Variants in SPSB1 observed in about 807,000 individuals in gnomAD.
The protein encoded by SPSB1 is SPRY domain-containing SOCS box protein 1.
In SPSB1, 8 loss-of-function variants were observed where a neutral mutation model predicts 21.2. That is an observed-to-expected ratio of 0.38 (90% CI 0.22 to 0.68). The LOEUF (loss-of-function observed/expected upper bound fraction) is 0.68, where lower values mean the gene tolerates loss of function less well. SPSB1 is among the 30% of genes least tolerant of loss of function. The pLI, the probability that SPSB1 is intolerant of heterozygous loss-of-function variation, is 0.53. For missense variants in SPSB1, 242 were observed against 377.8 expected (o/e 0.64, Z 2.98); for synonymous variants, 169 against 161.7 (o/e 1.05, Z -0.34).
intron 1 of SPSB1, among the ~76,000 whole-genome samples, chr1:9,302,820 C>T (rs1203208306): frequency 6.6e-6 from 1 of 152,140 alleles, no homozygotes; most frequent in Non-Finnish European, 1.5e-5. Flanking sequence ...GCTGGTTTCT[C>T]CCGTAGCCAG....
rs973414494 is a variant in SPSB1, at chr1:9,348,196, C to T, written c.-149-7547C>T. On this transcript the variant is annotated intron_variant, in intron 1 of 2. Transcript: ENST00000328089. This position sits in a 1 kb window ranked among gnomAD's most constrained non-coding sequence, Gnocchi z 4.8. Reference sequence around the variant, plus strand: ...CTGACCTCAGGTGATCTGCCCACCTCGGCCTCTCAAAGTGCTGGGATTACA... The same window carrying T: ...CTGACCTCAGGTGATCTGCCCACCTTGGCCTCTCAAAGTGCTGGGATTACA... Among the ~76,000 whole-genome samples, 9 of 152,080 alleles carry T rather than the reference C, an allele frequency of 5.9e-5. No individual in the cohort carries two copies. Among genetic ancestry groups the T allele is most frequent in the Non-Finnish European group, 8.8e-5 (6 of 68,000 alleles).
intron 1 of SPSB1, among the ~76,000 whole-genome samples, chr1:9,333,464 G>T (rs1639955610): frequency 6.6e-6 from 1 of 151,972 alleles, no homozygotes; most frequent in Non-Finnish European, 1.5e-5. Context: ...CCAAGTAGGT[G>T]GGACTACAGG....
intron 1 of SPSB1, among the ~76,000 whole-genome samples, chr1:9,323,815 CT>C (rs1639766121): frequency 6.6e-6 from 1 of 152,212 alleles, no homozygotes; most frequent in African/African-American, 2.4e-5. Flanking sequence ...GAATACATTT[CT>C]TCTGCTGTTG....
At chr1:9,365,397 A>G (rs1186873869) in intron 2 of SPSB1, among the ~76,000 whole-genome samples, 1 of 152,156 alleles carries the variant, frequency 6.6e-6, no homozygotes, top group Admixed American at 6.5e-5. Flanking sequence ...GATTACAGGT[A>G]TGAGCCACTG....
chr1:9,363,278 C>T lies in SPSB1; in HGVS notation c.695-4170C>T, dbSNP rs1322027814. Among the ~76,000 whole-genome samples the T allele has an allele frequency of 6.6e-6, 1 of 152,184 alleles. No individual in the cohort carries two copies. The highest frequency in any genetic ancestry group is 2.4e-5 in the African/African-American group (1 of 41,436). ...AGGACCCAGAGAAGAGACCCATTCACAGGATGCCTGGGTGACTCTGGTCCT... is the reference window on the plus strand; with the variant it reads ...AGGACCCAGAGAAGAGACCCATTCATAGGATGCCTGGGTGACTCTGGTCCT... On this transcript the variant is annotated intron_variant, in intron 2 of 2. Coordinates refer to ENST00000328089, the MANE Select transcript of SPSB1 (RefSeq NM_025106.4). This position sits in a 1 kb window ranked among gnomAD's most constrained non-coding sequence, Gnocchi z 4.5.
rs916820599 is a variant in SPSB1 at position 9,292,949 on chromosome 1, G to A, written c.-272G>A. 3 of 702,730 alleles carry A rather than the reference G, an allele frequency of 4.3e-6. No individual in the cohort carries two copies. The African/African-American group carries it at 2.2e-4, about 53-fold the overall frequency. 43.5% of individuals were successfully genotyped at this position (702,730 alleles called of 1,614,324 possible). ...GCTCGCAGCAGGAACCAGGCTCCAG[G>A]CGCCGGCGCCGGGGCCGGGGCCGCG... On this transcript the variant is annotated 5_prime_UTR_variant, in exon 1 of 3. Transcript: ENST00000328089.
intron 2 of SPSB1, among the ~76,000 whole-genome samples, chr1:9,360,090 G>C (rs1640445058): frequency 6.6e-6 from 1 of 152,132 alleles, no homozygotes. Context: ...GCGGTCAGTG[G>C]GGGAGTTGTC....
intron 1 of SPSB1, among the ~76,000 whole-genome samples, chr1:9,341,728 G>A (rs545802327): frequency 5.3e-5 from 8 of 152,194 alleles, no homozygotes; most frequent in East Asian, 3.9e-4. Flanking sequence ...TTGAGACGGG[G>A]TTTCACTCTT....
chr1:9,306,205 G>T (rs1639407695), intron 1 of SPSB1, among the ~76,000 whole-genome samples: 1 of 152,234 alleles, frequency 6.6e-6, no homozygotes, highest in Admixed American at 6.5e-5. Flanking sequence ...GCCATCAACT[G>T]CCTTCATCCT....
At chr1:9,353,562 C>T (rs1640306069) in intron 1 of SPSB1, among the ~76,000 whole-genome samples, 2 of 152,174 alleles carry the variant, frequency 1.3e-5, no homozygotes, top group Admixed American at 6.5e-5. Context: ...AATGGCTTTG[C>T]AGACACTGGA....
chr1:9,323,347 G>A (rs532672518), intron 1 of SPSB1, among the ~76,000 whole-genome samples: 33 of 152,340 alleles, frequency 2.2e-4, no homozygotes, highest in African/African-American at 7.9e-4. Flanking sequence ...CAGTGGATGT[G>A]CCCTCCATGG....
chr1:9,324,250 A>G lies in SPSB1; in HGVS notation c.-150+31179A>G, dbSNP rs1411383458. Among the ~76,000 whole-genome samples, 1 of 152,112 alleles carries G rather than the reference A, an allele frequency of 6.6e-6. No individual in the cohort carries two copies. Among genetic ancestry groups the G allele is most frequent in the Non-Finnish European group, 1.5e-5 (1 of 68,034 alleles). On this transcript the variant is annotated intron_variant, in intron 1 of 2. Coordinates refer to ENST00000328089, the MANE Select transcript of SPSB1 (RefSeq NM_025106.4). This position sits in a 1 kb window ranked among gnomAD's most constrained non-coding sequence, Gnocchi z 4.3. The stretch of plus-strand genomic sequence containing the variant: ...AGGTGGGAGGGACTTTGTCTTTACT[A>G]CCACGTGGAGCCGGCACATAGTGGG...
chr1:9,356,041 C>A lies in SPSB1; in HGVS notation c.150C>A (p.Val50=), dbSNP rs377405031. Residue 50 remains valine, a synonymous_variant, in exon 2 of 3, where the codon GTC becomes GTA. Transcript: ENST00000328089. The surrounding 1 kb of genome is among the most constrained non-coding windows in gnomAD (Gnocchi z 7.4). ...ACATGCCCCCTGTGTCCTATGATGT[C>A]CAGCTGCTGCATTCATGGAACAACA... ...LLDMPPVSYD[V]QLLHSWNNND... 1.2e-6 allele frequency: 2 copies of A among 1,614,014 alleles called. No homozygotes were observed. The highest frequency in any genetic ancestry group is 2.7e-5 in the African/African-American group (2 of 74,932).
At chr1:9,359,636 A>T (rs1380027730) in intron 2 of SPSB1, among the ~76,000 whole-genome samples, 2 of 146,002 alleles carry the variant, frequency 1.4e-5, no homozygotes, top group Admixed American at 7.1e-5. Context: ...CGGGAGGTGG[A>T]GGTTGCAGTG....
rs1189374342 is a variant in SPSB1 at position 9,293,619 on chromosome 1, C to T, written c.-150+548C>T. 6.6e-6 allele frequency among the ~76,000 whole-genome samples: 1 copy of T among 152,072 alleles called. No individual in the cohort carries two copies. The highest frequency in any genetic ancestry group is 1.5e-5 in the Non-Finnish European group (1 of 67,994). ...GGACACCCGAGCGCCGCCCTCCCCGCCGCCCCGGAGCCGCCGCGGCTTCTC... is the reference window on the plus strand; with the variant it reads ...GGACACCCGAGCGCCGCCCTCCCCGTCGCCCCGGAGCCGCCGCGGCTTCTC... On this transcript the variant is annotated intron_variant, in intron 1 of 2. Transcript: ENST00000328089. The surrounding 1 kb of genome is among the most constrained non-coding windows in gnomAD (Gnocchi z 5.1).
In SPSB1 at chr1:9,355,816, A is replaced by G; in HGVS notation, c.-76A>G. 2 of 1,505,056 alleles carry G rather than the reference A, an allele frequency of 1.3e-6. No homozygotes were observed. The highest frequency in any genetic ancestry group is 1.8e-6 in the Non-Finnish European group (2 of 1,127,458). The allele number at this position is 1,505,056 out of a possible 1,614,324, so 93.2% of individuals were successfully genotyped here. The stretch of plus-strand genomic sequence containing the variant: ...TTAGGAATTCTGTCTGGCCCCGATC[A>G]GAATACTGGAGACGAGACCACGAGA... On this transcript the variant is annotated 5_prime_UTR_variant, in exon 2 of 3. Coordinates refer to ENST00000328089, the MANE Select transcript of SPSB1 (RefSeq NM_025106.4).
chr1:9,324,285 T>C lies in SPSB1; in HGVS notation c.-150+31214T>C, dbSNP rs1006159576. Among the ~76,000 whole-genome samples, 1 of 152,128 alleles carries C rather than the reference T, an allele frequency of 6.6e-6. No individual in the cohort carries two copies. The highest frequency in any genetic ancestry group is 1.5e-5 in the Non-Finnish European group (1 of 68,018). ...GCCGGCACATAGTGGGACTCACAGCTCTTCATGGCATCGATGAATCGTGTC... is the reference window on the plus strand; with the variant it reads ...GCCGGCACATAGTGGGACTCACAGCCCTTCATGGCATCGATGAATCGTGTC... On this transcript the variant is annotated intron_variant, in intron 1 of 2. Transcript: ENST00000328089. This position sits in a 1 kb window ranked among gnomAD's most constrained non-coding sequence, Gnocchi z 4.3.
intron 1 of SPSB1, among the ~76,000 whole-genome samples, chr1:9,296,457 G>T (rs1247973688): frequency 6.6e-6 from 1 of 152,164 alleles, no homozygotes; most frequent in Non-Finnish European, 1.5e-5. Flanking sequence ...TTGTTATTAT[G>T]GAAAATGTCA....
At chr1:9,343,339 C>G (rs79829952) in intron 1 of SPSB1, among the ~76,000 whole-genome samples, 1 of 150,718 alleles carries the variant, frequency 6.6e-6, no homozygotes, top group Admixed American at 6.7e-5. Context: ...GTCATTTCGT[C>G]GAAAGGGAAT....
Sources: gnomAD v4.1 joint callset for allele counts (sites outside exome capture counted in the v4.1 genomes callset) on GRCh38, gnomAD v4.1.1 for gene constraint, Gnocchi (gnomAD v3.1) non-coding constraint, MANE v1.5 for transcripts, NCBI Gene and HGNC (gene_info 2026-07-23, HGNC 2026-07-21) for gene names.